PCDHA3: variants seen among roughly 807,000 people sequenced by gnomAD.
PCDHA3 encodes the protein protocadherin alpha 3, also known as protocadherin alpha-3.
A neutral mutation model predicts 62.2 loss-of-function variants in PCDHA3; 41 were observed. The ratio of observed to expected loss-of-function variants is 0.66; its 90% CI spans 0.51 to 0.86. PCDHA3 has a LOEUF of 0.86. Among genes scored for constraint, PCDHA3 ranks in the 40% least tolerant of loss-of-function variants. The probability of loss-of-function intolerance (pLI) is 0.00; values close to 1 mark genes in which losing one functional copy is unlikely to be tolerated. For synonymous variants in PCDHA3, 640 were observed against 555.4 expected (o/e 1.15, Z -2.14); for missense variants, 1,304 against 1,241.2 (o/e 1.05, Z -0.76).
intron 1 of PCDHA3, chr5:140,821,781 A>G (rs2150110654): frequency 1.2e-6 from 2 of 1,609,938 alleles, no homozygotes; most frequent in East Asian, 2.2e-5. Context: ...TTGAGATGGT[A>G]TATTCCCGGA....
intron 1 of PCDHA3, among the ~76,000 whole-genome samples, chr5:140,900,657 C>T (rs116775770): frequency 0.011 from 1,723 of 152,294 alleles, 23 homozygotes; most frequent in African/African-American, 0.039. Context: ...CTGCAATGAA[C>T]AATGGGAGTG....
intron 1 of PCDHA3, among the ~76,000 whole-genome samples, chr5:140,913,340 C>G (rs1276320319): frequency 6.6e-6 from 1 of 152,024 alleles, no homozygotes; most frequent in African/African-American, 2.4e-5. Context: ...GGAATTTATC[C>G]ATTTCCTCTA....
intron 1 of PCDHA3, among the ~76,000 whole-genome samples, chr5:140,892,282 ACTT>A (rs1405766060): frequency 1.3e-5 from 2 of 152,178 alleles, no homozygotes; most frequent in African/African-American, 4.8e-5. Flanking sequence ...TGTATTAAAC[ACTT>A]CTTCCTGGAA....
intron 1 of PCDHA3, among the ~76,000 whole-genome samples, chr5:140,931,278 T>G (rs1488323710): frequency 1.3e-5 from 2 of 152,174 alleles, no homozygotes; most frequent in Non-Finnish European, 2.9e-5. Context: ...TCTTTTATTT[T>G]CATTGCTTTC....
chr5:141,006,769 A>G (rs575481848), intron 3 of PCDHA3, among the ~76,000 whole-genome samples: 1 of 152,208 alleles, frequency 6.6e-6, no homozygotes, highest in Non-Finnish European at 1.5e-5. Flanking sequence ...AGAATAGAAT[A>G]GAGAAAAATG....
At chr5:140,908,958 T>C (rs555962129) in intron 1 of PCDHA3, among the ~76,000 whole-genome samples, 2 of 152,268 alleles carry the variant, frequency 1.3e-5, no homozygotes, top group East Asian at 3.9e-4. Context: ...AGAAGGAATA[T>C]CTTGATAGGC....
At chr5:141,005,467 GC>G (rs1463928635) in intron 3 of PCDHA3, among the ~76,000 whole-genome samples, 1 of 151,982 alleles carries the variant, frequency 6.6e-6, no homozygotes, top group Non-Finnish European at 1.5e-5. Context: ...ACTTTGGGAG[GC>G]CGAGACGGGC....
chr5:140,852,533 C>G (rs2150517773), intron 1 of PCDHA3: 2 of 491,290 alleles, frequency 4.1e-6, no homozygotes, highest in East Asian at 2.9e-4. Context: ...ACCTCGGCCT[C>G]CCAAAGTGCT....
intron 1 of PCDHA3, chr5:140,853,312 G>A (rs931070085): frequency 1.0e-6 from 1 of 983,988 alleles, no homozygotes; most frequent in Non-Finnish European, 1.2e-6. Context: ...GAACACCTTA[G>A]TAATAAATTT....
At chr5:140,907,416 T>C (rs1209334366) in intron 1 of PCDHA3, among the ~76,000 whole-genome samples, 1 of 152,206 alleles carries the variant, frequency 6.6e-6, no homozygotes, top group East Asian at 1.9e-4. Flanking sequence ...ACCACGATGG[T>C]GGATAAGGCA....
At chr5:140,913,451 T>G (rs1201347326) in intron 1 of PCDHA3, among the ~76,000 whole-genome samples, 1 of 152,160 alleles carries the variant, frequency 6.6e-6, no homozygotes, top group East Asian at 1.9e-4. Context: ...CAGCTCCGAT[T>G]TTATTTACTT....
At chr5:140,830,133 G>T (rs1770838333) in intron 1 of PCDHA3, 1 of 1,613,342 alleles carries the variant, frequency 6.2e-7, no homozygotes, top group African/African-American at 1.3e-5. Flanking sequence ...GCGTCATCAC[G>T]GGCGTCGGTG....
Position 140,862,324 on chromosome 5 carries a change from T to C in PCDHA3, c.2394+58733T>C, listed in dbSNP as rs536000037. On this transcript the variant is annotated intron_variant, in intron 1 of 3. Coordinates refer to ENST00000522353, the MANE Select transcript of PCDHA3 (RefSeq NM_018906.3). ...TGGGTACCGTCATAGCCCTAATCAGTGTAATTGACCCTAACTTCAGTGCCA... is the reference window on the plus strand; with the variant it reads ...TGGGTACCGTCATAGCCCTAATCAGCGTAATTGACCCTAACTTCAGTGCCA... 7 of 322,970 alleles carry C rather than the reference T, an allele frequency of 2.2e-5. No individual in the cohort carries two copies. In the East Asian group the frequency reaches 4.7e-4, roughly 22 times the overall value. 20.0% of individuals were successfully genotyped at this position (322,970 alleles called of 1,614,324 possible). A position where few individuals can be genotyped will look rare whatever the true frequency, so the allele number is the denominator to read the frequency against.
At chr5:140,864,390 A>G (rs1314124193) in intron 1 of PCDHA3, 1 of 152,190 alleles carries the variant, frequency 6.6e-6, no homozygotes. Flanking sequence ...ATCTCTCACA[A>G]ATGGTGATGA....
At position 140,848,191 on chromosome 5, in the gene PCDHA3, G is replaced by A. The variant is rs1210714904; in HGVS notation, c.2394+44600G>A. On this transcript the variant is annotated intron_variant, in intron 1 of 3. Transcript: ENST00000522353. ...TCCAGCAAGAGAAACGGGATCTTCTGTTTCAACAATCATTACTTAAGAAAA... is the reference window on the plus strand; with the variant it reads ...TCCAGCAAGAGAAACGGGATCTTCTATTTCAACAATCATTACTTAAGAAAA... 1.3e-5 allele frequency: 4 copies of A among 297,926 alleles called. No homozygotes were observed. The East Asian group carries it at 2.5e-4, about 18-fold the overall frequency. The allele number at this position is 297,926 out of a possible 1,614,324, so 18.5% of individuals were successfully genotyped here.
Position 140,809,396 on chromosome 5 carries a change from C to T in PCDHA3, c.2394+5805C>T. ...CGAGGGCGCGTGCGCTCCGGGCAAGCCCACGCTGGTGTGCTCCAGTGCGGT... is the reference window on the plus strand; with the variant it reads ...CGAGGGCGCGTGCGCTCCGGGCAAGTCCACGCTGGTGTGCTCCAGTGCGGT... On this transcript the variant is annotated intron_variant, in intron 1 of 3. Coordinates refer to ENST00000522353, the MANE Select transcript of PCDHA3 (RefSeq NM_018906.3). 1 of 1,614,122 alleles carries T rather than the reference C, an allele frequency of 6.2e-7. No homozygotes were observed. Among genetic ancestry groups the T allele is most frequent in the Non-Finnish European group, 8.5e-7 (1 of 1,179,976 alleles).
At chr5:140,980,350 G>T (rs1382723470) in intron 2 of PCDHA3, among the ~76,000 whole-genome samples, 1 of 152,128 alleles carries the variant, frequency 6.6e-6, no homozygotes, top group Admixed American at 6.5e-5. Context: ...TAACTTCCTG[G>T]ACTGGGCGCG....
intron 1 of PCDHA3, chr5:140,806,781 G>T (rs60724756): frequency 0.043 from 8,430 of 196,850 alleles, 735 homozygotes; most frequent in African/African-American, 0.19. Context: ...TAAAACCTGT[G>T]TTGAAAAAAT....
intron 1 of PCDHA3, among the ~76,000 whole-genome samples, chr5:140,903,428 T>C (rs954463543): frequency 2.0e-5 from 3 of 152,210 alleles, no homozygotes; most frequent in Non-Finnish European, 4.4e-5. Flanking sequence ...CAGCACAATA[T>C]GTATCAGTGG....
Sources: gnomAD v4.1 joint callset for allele counts (sites outside exome capture counted in the v4.1 genomes callset) on GRCh38, gnomAD v4.1.1 for gene constraint, MANE v1.5 for transcripts, NCBI Gene and HGNC (gene_info 2026-07-23, HGNC 2026-07-21) for gene names.